Variants in TSC22D2 observed in about 807,000 individuals in gnomAD.
TSC22D2 encodes TSC22 domain family protein 2.
In TSC22D2, 5 loss-of-function variants were observed where a neutral mutation model predicts 50.1. The observed-to-expected ratio is 0.10, with a 90% CI of 0.05 to 0.21. The LOEUF (loss-of-function observed/expected upper bound fraction) is 0.21, where lower values mean the gene tolerates loss of function less well. TSC22D2 is among the 10% of genes least tolerant of loss of function. The pLI is 1.00. For synonymous variants in TSC22D2, 501 were observed against 450.1 expected (o/e 1.11, Z -1.43); for missense variants, 1,003 against 1,015.5 (o/e 0.99, Z 0.17).
intron 1 of TSC22D2, among the ~76,000 whole-genome samples, chr3:150,446,713 T>C (rs1425624939): frequency 6.6e-6 from 1 of 152,190 alleles, no homozygotes; most frequent in Non-Finnish European, 1.5e-5. Flanking sequence ...CAACTGTCTC[T>C]TTAAAAACCC....
intron 1 of TSC22D2, among the ~76,000 whole-genome samples, chr3:150,437,902 G>A (rs778983883): frequency 1.7e-4 from 26 of 152,004 alleles, no homozygotes; most frequent in Non-Finnish European, 3.5e-4. Flanking sequence ...CTTTCTACAG[G>A]ACTACAAAGC....
In TSC22D2 at chr3:150,410,505, G is replaced by A. The variant is rs1363417440; in HGVS notation, c.1155G>A (p.Val385=). 11 of 1,596,524 alleles carry A rather than the reference G, an allele frequency of 6.9e-6. No individual in the cohort carries two copies. Among genetic ancestry groups the A allele is most frequent in the African/African-American group, 1.4e-5 (1 of 73,758 alleles). ...SGQSEYLQQH[V]AGLQPPSPAQ... ...AGAGTGAGTACCTGCAGCAGCACGT[G>A]GCCGGCCTGCAGCCGCCAAGCCCCG... is the stretch of plus-strand genomic sequence containing the variant. The change falls in exon 1 of 3, where the codon GTG becomes GTA. Residue 385 remains valine (V), a synonymous_variant. Transcript: ENST00000688009.
In TSC22D2 at chr3:150,439,888, C is replaced by G. The variant is rs1033509166; in HGVS notation, c.1959-17188C>G. 1.3e-4 allele frequency among the ~76,000 whole-genome samples: 20 copies of G among 152,256 alleles called. No individual in the cohort carries two copies. The East Asian group carries it at 3.9e-3, about 29-fold the overall frequency. Reference sequence around the variant, plus strand: ...TGCCCATTAGACTGATGGGACAAATCAGAGCCAAGCCACATTTAGTTTAGG... The same window carrying G: ...TGCCCATTAGACTGATGGGACAAATGAGAGCCAAGCCACATTTAGTTTAGG... On this transcript the variant is annotated intron_variant, in intron 1 of 2. Coordinates refer to ENST00000688009, the MANE Select transcript of TSC22D2 (RefSeq NM_001303264.2).
chr3:150,435,129 C>G (rs1022658313), intron 1 of TSC22D2, among the ~76,000 whole-genome samples: 1 of 152,098 alleles, frequency 6.6e-6, no homozygotes, highest in Non-Finnish European at 1.5e-5. Context: ...GGGCGCCCAC[C>G]ACCATGCCTG....
chr3:150,419,619 G>T (rs941333995), intron 1 of TSC22D2, among the ~76,000 whole-genome samples: 3 of 152,044 alleles, frequency 2.0e-5, no homozygotes, highest in Admixed American at 1.3e-4. Context: ...GGTATGGAAT[G>T]TTTGTTTTTT....
intron 1 of TSC22D2, among the ~76,000 whole-genome samples, chr3:150,415,476 C>T (rs1719765469): frequency 6.6e-6 from 1 of 152,166 alleles, no homozygotes; most frequent in South Asian, 2.1e-4. Flanking sequence ...GTATATATGT[C>T]CTCTACTTCC....
At chr3:150,426,998 G>A (rs1004514412) in intron 1 of TSC22D2, among the ~76,000 whole-genome samples, 8 of 151,884 alleles carry the variant, frequency 5.3e-5, no homozygotes, top group African/African-American at 1.9e-4. Context: ...TTTGAAGCTA[G>A]GAATAAATTA....
At position 150,458,506 on chromosome 3, in the gene TSC22D2, G is replaced by A; in HGVS notation, c.2141G>A (p.Ser714Asn). The A allele has an allele frequency of 6.2e-7, 1 of 1,614,142 alleles. No individual in the cohort carries two copies. Among genetic ancestry groups the A allele is most frequent in the South Asian group, 1.1e-5 (1 of 91,080 alleles). The change falls in exon 3 of 3, where the codon AGC becomes AAC. Residue 714 changes from serine (S) to asparagine (N), a missense_variant. Physicochemically the swap from Ser to Asn is conservative, Grantham distance 46 (BLOSUM62 1). Around this residue, in one of 6 missense-constraint regions of TSC22D2, gnomAD observed 54 missense variants for 51.4 expected, o/e 1.05. Transcript: ENST00000688009. ...AATGCACTGTTAAAATCTCTTTCAA[G>A]CAATGATCAATTATCCCAACTCCCA... Reference protein sequence around the residue: ...RENALLKSLSSNDQLSQLPTQ... With the variant: ...RENALLKSLSNNDQLSQLPTQ...
chr3:150,410,335 G>T lies in TSC22D2; in HGVS notation c.985G>T (p.Val329Leu). The T allele has an allele frequency of 6.3e-7, 1 of 1,588,680 alleles. No homozygotes were observed. The highest frequency in any genetic ancestry group is 8.6e-7 in the Non-Finnish European group (1 of 1,167,174). ...GGGACAGACTCTGCCGCCGACGAATGTAACCCTGGCGCAGCCGGCTATGTC... is the reference window on the plus strand; with the variant it reads ...GGGACAGACTCTGCCGCCGACGAATTTAACCCTGGCGCAGCCGGCTATGTC... ...PGGQTLPPTN[V>L]TLAQPAMSLP... The change falls in exon 1 of 3, where the codon GTA becomes TTA. Residue 329 changes from valine (V) to leucine (L), a missense_variant. Val to Leu is a conservative substitution (Grantham distance 32). This residue lies in a region of TSC22D2 where 696 missense variants were observed against 647.8 expected (regional missense o/e 1.07). Transcript: ENST00000688009.
At chr3:150,414,706 A>G (rs528025690) in intron 1 of TSC22D2, among the ~76,000 whole-genome samples, 7 of 152,228 alleles carry the variant, frequency 4.6e-5, no homozygotes, top group African/African-American at 1.7e-4. Flanking sequence ...ACATTTATAT[A>G]TATTTTAAAC....
intron 1 of TSC22D2, among the ~76,000 whole-genome samples, chr3:150,434,152 G>GTTT (rs75231849): frequency 7.4e-6 from 1 of 135,436 alleles, no homozygotes; most frequent in Non-Finnish European, 1.6e-5. Flanking sequence ...AGGGTTTTTT[G>GTTT]TTTTTTTTTT....
intron 1 of TSC22D2, among the ~76,000 whole-genome samples, chr3:150,420,897 C>T (rs1719983015): frequency 6.6e-6 from 1 of 152,148 alleles, no homozygotes; most frequent in Non-Finnish European, 1.5e-5. Flanking sequence ...GCCTGGCCAA[C>T]GTGGTGAAAC....
Position 150,409,255 on chromosome 3 carries a change from G to A in TSC22D2, c.-96G>A, listed in dbSNP as rs1719398866. 1 of 1,419,350 alleles carries A rather than the reference G, an allele frequency of 7.0e-7. No individual in the cohort carries two copies. Among genetic ancestry groups the A allele is most frequent in the African/African-American group, 1.4e-5 (1 of 69,764 alleles). 87.9% of individuals were successfully genotyped at this position (1,419,350 alleles called of 1,614,324 possible). On this transcript the variant is annotated 5_prime_UTR_variant, in exon 1 of 3. Coordinates refer to ENST00000688009, the MANE Select transcript of TSC22D2 (RefSeq NM_001303264.2). This position sits in a 1 kb window ranked among gnomAD's most constrained non-coding sequence, Gnocchi z 7.4. ...GGGCCTCAGACCCCAGCGCAGACTC[G>A]GACTTTGTCTTTGGGGGCCCGTGCT...
At position 150,410,460 on chromosome 3, in the gene TSC22D2, G is replaced by T; in HGVS notation, c.1110G>T (p.Leu370=). 1 of 1,608,682 alleles carries T rather than the reference G, an allele frequency of 6.2e-7. No homozygotes were observed. The highest frequency in any genetic ancestry group is 1.1e-5 in the South Asian group (1 of 90,476). The part of the protein sequence containing the change: ...PQPQIPPGHL[L]PVQPSGQSEY... ...CTCAGATACCGCCCGGACATTTGCT[G>T]CCCGTCCAGCCCTCCGGCCAGAGTG... is the stretch of plus-strand genomic sequence containing the variant. Residue 370 remains leucine (L), a synonymous_variant, in exon 1 of 3, where the codon CTG becomes CTT. Coordinates refer to ENST00000688009, the MANE Select transcript of TSC22D2 (RefSeq NM_001303264.2).
At position 150,410,946 on chromosome 3, in the gene TSC22D2, C is replaced by G. The variant is rs769305908; in HGVS notation, c.1596C>G (p.Pro532=). The change falls in exon 1 of 3, where the codon CCC becomes CCG. Residue 532 remains proline, a synonymous_variant. Coordinates refer to ENST00000688009, the MANE Select transcript of TSC22D2 (RefSeq NM_001303264.2). The part of the protein sequence containing the change: ...STTSVTMPNV[P]APLAQSQQLS... ...CTTCTGTTACTATGCCAAATGTACC[C>G]GCGCCTCTGGCCCAGTCGCAACAGC... The G allele has an allele frequency of 6.2e-7, 1 of 1,614,192 alleles. No homozygotes were observed. Among genetic ancestry groups the G allele is most frequent in the Non-Finnish European group, 8.5e-7 (1 of 1,180,042 alleles).
At chr3:150,426,162 C>A (rs1294263240) in intron 1 of TSC22D2, among the ~76,000 whole-genome samples, 1 of 152,176 alleles carries the variant, frequency 6.6e-6, no homozygotes, top group East Asian at 1.9e-4. Context: ...TAATCCAACC[C>A]TTTCTGCAGT....
intron 1 of TSC22D2, among the ~76,000 whole-genome samples, chr3:150,450,450 T>TTTTGGG (rs1237026579): frequency 1.3e-5 from 2 of 152,070 alleles, no homozygotes; most frequent in African/African-American, 4.8e-5. Context: ...CTATGGGGCA[T>TTTTGGG]TTTGGGTTTT....
intron 1 of TSC22D2, chr3:150,438,365 A>C: frequency 7.8e-6 from 2 of 255,540 alleles, no homozygotes; most frequent in East Asian, 1.7e-4. Context: ...GTAAGACTTA[A>C]TGGCTTAGAT....
At chr3:150,434,096 A>G (rs763258058) in intron 1 of TSC22D2, among the ~76,000 whole-genome samples, 1 of 151,382 alleles carries the variant, frequency 6.6e-6, no homozygotes, top group Non-Finnish European at 1.5e-5. Context: ...TAAATGTTCC[A>G]TTTCTTTTAT....
Sources: gnomAD v4.1 joint callset for allele counts (sites outside exome capture counted in the v4.1 genomes callset) on GRCh38, gnomAD v4.1.1 for gene constraint, gnomAD v4.1.1 regional missense constraint, Gnocchi (gnomAD v3.1) non-coding constraint, MANE v1.5 for transcripts, NCBI Gene and HGNC (gene_info 2026-07-23, HGNC 2026-07-21) for gene names.